ZSWIM4: variants seen among roughly 807,000 people sequenced by gnomAD.
ZSWIM4 encodes the protein zinc finger SWIM domain-containing protein 4.
Under a neutral mutation model 102.5 loss-of-function variants are expected in ZSWIM4, and 62 were observed. That is an observed-to-expected ratio of 0.60 (90% CI 0.49 to 0.75). The LOEUF (loss-of-function observed/expected upper bound fraction) is 0.75, where lower values mean the gene tolerates loss of function less well. Ranked by LOEUF, ZSWIM4 falls within the 30% of genes least tolerant of loss-of-function variation. The probability of loss-of-function intolerance (pLI) is 0.00; values close to 1 mark genes in which losing one functional copy is unlikely to be tolerated. For missense variants in ZSWIM4, 1,280 were observed against 1,529.6 expected, an observed-to-expected ratio of 0.84 and a Z score of 2.72; for synonymous variants, 652 against 674.5, an observed-to-expected ratio of 0.97 and a Z score of 0.52.
Position 13,799,831 on chromosome 19 carries a change from C to A in ZSWIM4, c.265C>A (p.Pro89Thr). ...TATGTACTCGTCGCTGGGTTACCCG[C>A]CCCCAGAGGGCGAGCACGATGCCCG... ...ICMYSSLGYP[P>T]PEGEHDARVP... Residue 89 changes from proline (P) to threonine (T), a missense_variant, in exon 2 of 14, where the codon CCC becomes ACC. Physicochemically the swap from Pro to Thr is conservative, Grantham distance 38. Coordinates refer to ENST00000590508, the MANE Select transcript of ZSWIM4 (RefSeq NM_001367834.3). 2 of 1,613,948 alleles carry A rather than the reference C, an allele frequency of 1.2e-6. No homozygotes were observed. The highest frequency in any genetic ancestry group is 1.7e-6 in the Non-Finnish European group (2 of 1,180,010).
At chr19:13,828,552 C>A in intron 12 of ZSWIM4, 93 bp from the exon 13 acceptor site, 1 of 1,097,146 alleles carries the variant, frequency 9.1e-7, no homozygotes, top group Non-Finnish European at 1.4e-6. Flanking sequence ...CTTTAACCTC[C>A]AAGTGTTTCT....
At position 13,795,738 on chromosome 19, in the gene ZSWIM4, C is replaced by G. The variant is rs1267513365; in HGVS notation, c.90C>G (p.Gly30=). The G allele has an allele frequency of 8.2e-7, 1 of 1,223,494 alleles. No homozygotes were observed. Among genetic ancestry groups the G allele is most frequent in the African/African-American group, 1.6e-5 (1 of 64,166 alleles). The allele number at this position is 1,223,494 out of a possible 1,614,324, so 75.8% of individuals were successfully genotyped here. The part of the protein sequence containing the change: ...DAGAGAARGR[G]RPEALLDLSA... ...GGGCCGGGGCCGCGCGTGGCCGGGG[C>G]CGGCCCGAGGCGCTGCTGGACCTCA... The change falls in exon 1 of 14, where the codon GGC becomes GGG. Residue 30 remains glycine (G), a synonymous_variant. Coordinates refer to ENST00000590508, the MANE Select transcript of ZSWIM4 (RefSeq NM_001367834.3).
chr19:13,798,697 CCTGAGAATA>C (rs1297346875), intron 1 of ZSWIM4, among the ~76,000 whole-genome samples: 1 of 152,216 alleles, frequency 6.6e-6, no homozygotes, highest in Non-Finnish European at 1.5e-5. Flanking sequence ...CCACTTTACA[CCTGAGAATA>C]CTGAGGCCAA....
intron 3 of ZSWIM4, among the ~76,000 whole-genome samples, chr19:13,807,371 A>T (rs958885070): frequency 6.6e-6 from 1 of 151,978 alleles, no homozygotes; most frequent in Non-Finnish European, 1.5e-5. Context: ...GTGGGGGTGG[A>T]TAAGTGGGTT....
intron 2 of ZSWIM4, among the ~76,000 whole-genome samples, chr19:13,801,544 C>T (rs1437113590): frequency 6.6e-6 from 1 of 152,038 alleles, no homozygotes. Flanking sequence ...TTTAGAGCCA[C>T]AGGTGAGAGT....
chr19:13,830,981 G>A lies in ZSWIM4; in HGVS notation c.3252G>A (p.Leu1084=), dbSNP rs772274316. The A allele has an allele frequency of 6.2e-7, 1 of 1,613,714 alleles. No homozygotes were observed. The highest frequency in any genetic ancestry group is 8.5e-7 in the Non-Finnish European group (1 of 1,179,932). The change falls in exon 14 of 14, where the codon TTG becomes TTA. Residue 1084 remains leucine (L), a synonymous_variant. Transcript: ENST00000590508. ...PDGHLQFSQF[L]ENLKQTYKGK... Reference sequence around the variant, plus strand: ...GGCACCTCCAGTTCTCACAGTTCTTGGAGAACCTCAAACAGACCTACAAGG... The same window carrying A: ...GGCACCTCCAGTTCTCACAGTTCTTAGAGAACCTCAAACAGACCTACAAGG...
Position 13,809,220 on chromosome 19 carries a change from G to T in ZSWIM4, c.1012G>T (p.Gly338Trp). The change falls in exon 5 of 14, where the codon GGG becomes TGG. Residue 338 changes from glycine (G) to tryptophan (W), a missense_variant and splice_region_variant. Physicochemically the swap from Gly to Trp is radical, Grantham distance 184. Transcript: ENST00000590508. This position sits in a 1 kb window ranked among gnomAD's most constrained non-coding sequence, Gnocchi z 4.2. ...GTGCCGGCAGCTCTGGGATGAGCTG[G>T]GTGAGGCCCAAACCCCGGTGCGTGG... ...DKCRQLWDEL[G>W]ALWVCVVLSP... is the part of the protein sequence containing the mutation. 1 of 1,599,694 alleles carries T rather than the reference G, an allele frequency of 6.3e-7. No individual in the cohort carries two copies. The highest frequency in any genetic ancestry group is 8.5e-7 in the Non-Finnish European group (1 of 1,173,278).
In ZSWIM4 at chr19:13,809,050, C is replaced by G. The variant is rs781582054; in HGVS notation, c.862-20C>G. On this transcript the variant is annotated intron_variant, in intron 4 of 13. Transcript: ENST00000590508. The surrounding 1 kb of genome is among the most constrained non-coding windows in gnomAD (Gnocchi z 4.2). ...CGGCGGACGCCCCAGCCCTTCCTCA[C>G]CACCCTGTCCCCGGCACAGGTGCGG... 1 of 1,609,034 alleles carries G rather than the reference C, an allele frequency of 6.2e-7. No homozygotes were observed. The highest frequency in any genetic ancestry group is 8.5e-7 in the Non-Finnish European group (1 of 1,176,404).
At chr19:13,804,019 G>A (rs1444573559) in intron 2 of ZSWIM4, among the ~76,000 whole-genome samples, 2 of 149,708 alleles carry the variant, frequency 1.3e-5, no homozygotes, top group Admixed American at 6.7e-5. Context: ...CCGCCACCAT[G>A]CCCGGCTAAT....
chr19:13,809,518 T>C lies in ZSWIM4; in HGVS notation c.1012+298T>C, dbSNP rs1008560404. Among the ~76,000 whole-genome samples the C allele has an allele frequency of 6.6e-5, 10 of 152,246 alleles. No individual in the cohort carries two copies. Among genetic ancestry groups the C allele is most frequent in the African/African-American group, 2.4e-4 (10 of 41,464 alleles). ...TTTGTTTTGAGACAGGGTATCACTC[T>C]GTTGCCCAGGCTGGCGTGCAGTGGC... On this transcript the variant is annotated intron_variant, in intron 5 of 13. Coordinates refer to ENST00000590508, the MANE Select transcript of ZSWIM4 (RefSeq NM_001367834.3). This position sits in a 1 kb window ranked among gnomAD's most constrained non-coding sequence, Gnocchi z 4.2.
At position 13,809,815 on chromosome 19, in the gene ZSWIM4, C is replaced by G. The variant is rs1975025130; in HGVS notation, c.1012+595C>G. On this transcript the variant is annotated intron_variant, in intron 5 of 13. Coordinates refer to ENST00000590508, the MANE Select transcript of ZSWIM4 (RefSeq NM_001367834.3). The surrounding 1 kb of genome is among the most constrained non-coding windows in gnomAD (Gnocchi z 4.2). The stretch of plus-strand genomic sequence containing the variant: ...GTTTCTTTTTTTCTTTTTTTAGAGA[C>G]AGGATCTCACTGTGCGCCCAGGCTG... Among the ~76,000 whole-genome samples the G allele has an allele frequency of 6.6e-6, 1 of 151,890 alleles. No homozygotes were observed. The highest frequency in any genetic ancestry group is 2.1e-4 in the South Asian group (1 of 4,802).
In ZSWIM4 at chr19:13,830,698, T is replaced by G. The variant is rs760328865; in HGVS notation, c.2969T>G (p.Ile990Ser). The G allele has an allele frequency of 2.5e-6, 4 of 1,607,320 alleles. No homozygotes were observed. Among genetic ancestry groups the G allele is most frequent in the South Asian group, 2.2e-5 (2 of 90,948 alleles). ...ATCGTCCCCCTCATCATTCGCAGCA[T>G]CCACTGTGCCCCAATGCTGTCCGAT... ...SAIVPLIIRS[I>S]HCAPMLSDIL... Residue 990 changes from isoleucine to serine, a missense_variant, in exon 14 of 14, where the codon ATC (isoleucine) becomes AGC (serine). Transcript: ENST00000590508.
At chr19:13,826,444 C>T (rs1382930171) in intron 12 of ZSWIM4, among the ~76,000 whole-genome samples, 1 of 151,966 alleles carries the variant, frequency 6.6e-6, no homozygotes, top group African/African-American at 2.4e-5. Flanking sequence ...AGATGAGATG[C>T]CAACTCTAGG....
At chr19:13,808,718 A>G in intron 3 of ZSWIM4, 118 bp from the exon 4 acceptor site, 1 of 1,143,562 alleles carries the variant, frequency 8.7e-7, no homozygotes, top group Non-Finnish European at 1.2e-6. Context: ...CAGCCTGGGC[A>G]AGAAGAGCCA....
At chr19:13,803,655 A>G (rs2145267787) in intron 2 of ZSWIM4, among the ~76,000 whole-genome samples, 1 of 151,070 alleles carries the variant, frequency 6.6e-6, no homozygotes, top group South Asian at 2.1e-4. Context: ...AATACAAAAG[A>G]TTAGCCGGGC....
rs879235071 is a variant in ZSWIM4 at position 13,800,033 on chromosome 19, C to T, written c.355+112C>T. 46 of 953,560 alleles carry T rather than the reference C, an allele frequency of 4.8e-5. No homozygotes were observed. In the South Asian group the frequency reaches 6.2e-4, roughly 13 times the overall value. The allele number at this position is 953,560 out of a possible 1,614,324, so 59.1% of individuals were successfully genotyped here. ...CCAGGGGATGGGAGGTTACAGACCT[C>T]AGGCTTCGAGGCCCAGATAGGATTG... On this transcript the variant is annotated intron_variant, in intron 2 of 13. Transcript: ENST00000590508.
rs145241188 is a variant in ZSWIM4, at chr19:13,813,016, C to T, written c.1032C>T (p.Val344=). 1.9e-6 allele frequency: 3 copies of T among 1,612,074 alleles called. No individual in the cohort carries two copies. The highest frequency in any genetic ancestry group is 8.5e-7 in the Non-Finnish European group (1 of 1,178,806). ...CCTCAGGGGCCCTGTGGGTTTGCGT[C>T]GTCCTGAGCCCCCACTGCAAACCAG... The part of the protein sequence containing the change: ...WDELGALWVC[V]VLSPHCKPEE... The change falls in exon 6 of 14, where the codon GTC becomes GTT. Residue 344 remains valine, a synonymous_variant. Coordinates refer to ENST00000590508, the MANE Select transcript of ZSWIM4 (RefSeq NM_001367834.3).
At chr19:13,818,004 T>C in intron 9 of ZSWIM4, 28 bp downstream of exon 9, 1 of 1,468,816 alleles carries the variant, frequency 6.8e-7, no homozygotes, top group South Asian at 1.4e-5. Context: ...GGCCTGGCTG[T>C]TGCTGAAGGG....
intron 7 of ZSWIM4, among the ~76,000 whole-genome samples, chr19:13,815,851 A>G (rs1362354015): frequency 1.3e-5 from 2 of 151,394 alleles, no homozygotes; most frequent in Non-Finnish European, 2.9e-5. Flanking sequence ...CGGCATGAGA[A>G]TTGCTTTAAT....
Sources: gnomAD v4.1 joint callset for allele counts (sites outside exome capture counted in the v4.1 genomes callset) on GRCh38, gnomAD v4.1.1 for gene constraint, Gnocchi (gnomAD v3.1) non-coding constraint, MANE v1.5 for transcripts, NCBI Gene and HGNC (gene_info 2026-07-23, HGNC 2026-07-21) for gene names.